LRRC4C: variants seen among roughly 807,000 people sequenced by gnomAD.
LRRC4C encodes leucine rich repeat containing 4C.
In LRRC4C, 5 loss-of-function variants were observed where a neutral mutation model predicts 33.6. The observed-to-expected ratio is 0.15, with a 90% CI of 0.08 to 0.31. The LOEUF (loss-of-function observed/expected upper bound fraction) is 0.31, where lower values mean the gene tolerates loss of function less well. Among genes scored for constraint, LRRC4C ranks in the 10% least tolerant of loss-of-function variants. The pLI, the probability that LRRC4C is intolerant of heterozygous loss-of-function variation, is 1.00. For missense variants in LRRC4C, 560 were observed against 796.7 expected, an observed-to-expected ratio of 0.70 and a Z score of 3.58; for synonymous variants, 329 against 302.0, an observed-to-expected ratio of 1.09 and a Z score of -0.93.
chr11:40,342,487 C>G (rs950153834), intron 3 of LRRC4C, among the ~76,000 whole-genome samples: 1 of 151,740 alleles, frequency 6.6e-6, no homozygotes, highest in African/African-American at 2.4e-5. Context: ...AACAAACAAA[C>G]AAAGAAAAGA....
intron 3 of LRRC4C, among the ~76,000 whole-genome samples, chr11:40,506,811 C>A (rs540302472): frequency 6.6e-6 from 1 of 151,924 alleles, no homozygotes; most frequent in African/African-American, 2.4e-5. Flanking sequence ...GTATAAGGTC[C>A]CAAAATAGAA....
chr11:41,084,836 G>A (rs1385303009), intron 1 of LRRC4C, among the ~76,000 whole-genome samples: 2 of 152,264 alleles, frequency 1.3e-5, no homozygotes, highest in East Asian at 3.9e-4. Context: ...GTGAAAGAGT[G>A]AGACTCTGTC....
chr11:40,183,419 C>T (rs963889653), intron 5 of LRRC4C, among the ~76,000 whole-genome samples: 17 of 152,204 alleles, frequency 1.1e-4, no homozygotes, highest in African/African-American at 4.1e-4. Flanking sequence ...TAGAAACAGA[C>T]CAAATAGCTG....
At chr11:41,285,313 G>C (rs1949790748) in intron 1 of LRRC4C, among the ~76,000 whole-genome samples, 1 of 151,950 alleles carries the variant, frequency 6.6e-6, no homozygotes, top group Admixed American at 6.6e-5. Flanking sequence ...ATAAAACTGG[G>C]TAAAACAAAA....
intron 1 of LRRC4C, among the ~76,000 whole-genome samples, chr11:41,226,755 C>CACACAT (rs1332044989): frequency 1.3e-5 from 2 of 151,438 alleles, no homozygotes; most frequent in Non-Finnish European, 2.9e-5. Context: ...CACACACACA[C>CACACAT]ACACACACAC....
chr11:40,831,665 T>C (rs955061358), intron 2 of LRRC4C, among the ~76,000 whole-genome samples: 7 of 152,102 alleles, frequency 4.6e-5, no homozygotes, highest in Non-Finnish European at 1.0e-4. Context: ...GACTCAGTTC[T>C]ACATGGCTGC....
chr11:40,131,370 CA>C (rs1056715871), intron 6 of LRRC4C, among the ~76,000 whole-genome samples: 11 of 151,934 alleles, frequency 7.2e-5, no homozygotes, highest in African/African-American at 2.7e-4. Flanking sequence ...AGTAAATTAC[CA>C]AAAATCAGCA....
intron 1 of LRRC4C, among the ~76,000 whole-genome samples, chr11:40,943,380 G>A (rs181717345): frequency 2.1e-4 from 32 of 152,200 alleles, no homozygotes; most frequent in African/African-American, 5.3e-4. Flanking sequence ...TTCAAAACCC[G>A]TATTCTTAAC....
intron 3 of LRRC4C, among the ~76,000 whole-genome samples, chr11:40,324,111 C>G (rs1276515980): frequency 6.6e-6 from 1 of 152,088 alleles, no homozygotes; most frequent in Non-Finnish European, 1.5e-5. Context: ...TACACATACT[C>G]ACATAGAAGT....
chr11:41,111,620 C>T (rs1941836760), intron 1 of LRRC4C, among the ~76,000 whole-genome samples: 1 of 152,052 alleles, frequency 6.6e-6, no homozygotes, highest in South Asian at 2.1e-4. Context: ...AGTCCAGGGT[C>T]TCTATTTTTC....
At chr11:40,687,988 CTT>C (rs60274681) in intron 2 of LRRC4C, among the ~76,000 whole-genome samples, 9 of 149,514 alleles carry the variant, frequency 6.0e-5, no homozygotes, top group South Asian at 4.2e-4. Context: ...GCTTTACAGA[CTT>C]TTTTTTTTTC....
At chr11:40,498,176 A>G (rs1260790386) in intron 3 of LRRC4C, among the ~76,000 whole-genome samples, 3 of 152,218 alleles carry the variant, frequency 2.0e-5, no homozygotes, top group East Asian at 3.9e-4. Context: ...ATCATAAGTC[A>G]GAATGATTGA....
intron 3 of LRRC4C, among the ~76,000 whole-genome samples, chr11:40,592,675 A>C (rs538010242): frequency 6.6e-6 from 1 of 152,302 alleles, no homozygotes; most frequent in African/African-American, 2.4e-5. Flanking sequence ...ACCTACACCC[A>C]GGTTGTATAA....
At chr11:41,264,548 A>G (rs1320082829) in intron 1 of LRRC4C, among the ~76,000 whole-genome samples, 1 of 152,182 alleles carries the variant, frequency 6.6e-6, no homozygotes, top group Non-Finnish European at 1.5e-5. Flanking sequence ...ACATGTACAT[A>G]TAGACCCACA....
At chr11:40,893,246 T>C (rs1955798562) in intron 2 of LRRC4C, among the ~76,000 whole-genome samples, 1 of 151,844 alleles carries the variant, frequency 6.6e-6, no homozygotes, top group African/African-American at 2.4e-5. Context: ...GGTGTGGGTG[T>C]GGAAAATGAG....
chr11:40,669,382 G>T (rs935427548), intron 2 of LRRC4C, among the ~76,000 whole-genome samples: 1 of 152,186 alleles, frequency 6.6e-6, no homozygotes, highest in Admixed American at 6.5e-5. Context: ...AATTCTGAGA[G>T]ACTCACTTTT....
At chr11:41,160,774 A>G (rs537742940) in intron 1 of LRRC4C, among the ~76,000 whole-genome samples, 4 of 152,190 alleles carry the variant, frequency 2.6e-5, no homozygotes, top group Admixed American at 2.0e-4. Context: ...CAATTTGCTT[A>G]GTGCTAAGGA....
intron 3 of LRRC4C, among the ~76,000 whole-genome samples, chr11:40,344,823 A>C (rs1217116542): frequency 6.6e-6 from 1 of 152,196 alleles, no homozygotes; most frequent in African/African-American, 2.4e-5. Context: ...ATACAAAATC[A>C]ATGTAAAAAA....
chr11:40,248,548 T>C lies in LRRC4C; in HGVS notation c.-175-6950A>G, dbSNP rs369419297. On this transcript the variant is annotated intron_variant, in intron 4 of 6. Transcript: ENST00000528697. ...AAGTTTGAGATCATCCCGGGTAACA[T>C]AGGAAGACCACAGGCATGGTGGTAT... 4.1e-4 allele frequency among the ~76,000 whole-genome samples: 63 copies of C among 152,044 alleles called. 2 individuals are homozygous for C. The South Asian group carries it at 6.9e-3, about 17-fold the overall frequency.
Sources: gnomAD v4.1 joint callset for allele counts (sites outside exome capture counted in the v4.1 genomes callset) on GRCh38, gnomAD v4.1.1 for gene constraint, MANE v1.5 for transcripts, NCBI Gene and HGNC (gene_info 2026-07-23, HGNC 2026-07-21) for gene names.